FAM135B: variants seen among roughly 807,000 people sequenced by gnomAD.
The protein encoded by FAM135B is protein FAM135B.
A neutral mutation model predicts 127.7 loss-of-function variants in FAM135B; 43 were observed. The ratio of observed to expected loss-of-function variants is 0.34; its 90% CI spans 0.26 to 0.43. FAM135B has a LOEUF of 0.43. FAM135B is among the 20% of genes least tolerant of loss of function. The probability of loss-of-function intolerance (pLI) is 1.00; values close to 1 mark genes in which losing one functional copy is unlikely to be tolerated. For synonymous variants in FAM135B, 670 were observed against 665.1 expected (o/e 1.01, Z -0.11); for missense variants, 1,558 against 1,725.6 (o/e 0.90, Z 1.72).
chr8:138,476,126 T>G (rs918006494), intron 1 of FAM135B, among the ~76,000 whole-genome samples: 1 of 152,166 alleles, frequency 6.6e-6, no homozygotes, highest in Admixed American at 6.6e-5. Flanking sequence ...GGATACATAC[T>G]GTATGATTCT....
At chr8:138,195,535 C>G (rs1055887249) in intron 8 of FAM135B, among the ~76,000 whole-genome samples, 4 of 152,118 alleles carry the variant, frequency 2.6e-5, no homozygotes, top group African/African-American at 9.7e-5. Flanking sequence ...AAGCCAATAT[C>G]ACCTCATGCA....
At position 138,418,001 on chromosome 8, in the gene FAM135B, C is replaced by A. The variant is rs550382549; in HGVS notation, c.-19-49999G>T. Among the ~76,000 whole-genome samples the A allele has an allele frequency of 6.6e-5, 10 of 152,162 alleles. No homozygotes were observed. In the South Asian group the frequency reaches 1.5e-3, roughly 22 times the overall value. On this transcript the variant is annotated intron_variant, in intron 1 of 19. Transcript: ENST00000395297. ...TCAGAATCTGGATGATAATGATTAT[C>A]ATCAAGTTTCAGGAGAAAGTTGAAA...
chr8:138,141,401 C>T lies in FAM135B; in HGVS notation c.3639-52G>A, dbSNP rs79507130. The T allele has an allele frequency of 1.0e-3, 1,630 of 1,587,676 alleles. 10 individuals carry two copies. The African/African-American group carries it at 0.014, about 13-fold the overall frequency. On this transcript the variant is annotated intron_variant, in intron 16 of 19. Transcript: ENST00000395297. This position sits in a 1 kb window ranked among gnomAD's most constrained non-coding sequence, Gnocchi z 4.7. ...TGAGTGTGACGGTGAATGCTGCTGC[C>T]CAAGAGTGCAGTGCTGGAAGCATCA... is the stretch of plus-strand genomic sequence containing the variant.
At chr8:138,403,747 C>T (rs545801058) in intron 1 of FAM135B, among the ~76,000 whole-genome samples, 2 of 151,342 alleles carry the variant, frequency 1.3e-5, no homozygotes, top group Admixed American at 1.3e-4. Context: ...CCATTCCCCT[C>T]CCCCAAAGAC....
chr8:138,483,357 G>A (rs912889130), intron 1 of FAM135B, among the ~76,000 whole-genome samples: 4 of 152,196 alleles, frequency 2.6e-5, no homozygotes, highest in South Asian at 2.1e-4. Context: ...GGCTTTGAGC[G>A]ACGTGTTACC....
Position 138,243,015 on chromosome 8 carries a change from C to G in FAM135B, c.596G>C (p.Gly199Ala), listed in dbSNP as rs770462398. 1 of 1,613,922 alleles carries G rather than the reference C, an allele frequency of 6.2e-7. No homozygotes were observed. Among genetic ancestry groups the G allele is most frequent in the Non-Finnish European group, 8.5e-7 (1 of 1,179,928 alleles). Residue 199 changes from glycine to alanine, a missense_variant, in exon 7 of 20, where the codon GGA becomes GCA. This residue lies in a region of FAM135B where 127 missense variants were observed against 109.7 expected (regional missense o/e 1.16). Coordinates refer to ENST00000395297, the MANE Select transcript of FAM135B (RefSeq NM_015912.4). This position sits in a 1 kb window ranked among gnomAD's most constrained non-coding sequence, Gnocchi z 7.5. ...SWLGKGGPDT[G>A]QEQSIISLEN... ...CAGAGAAATGATAGACTGTTCTTGT[C>G]CGGTGTCTGGGCCACCTTTACCAAG... is the stretch of plus-strand genomic sequence containing the variant.
At chr8:138,486,254 T>C (rs1200468502) in intron 1 of FAM135B, among the ~76,000 whole-genome samples, 1 of 152,014 alleles carries the variant, frequency 6.6e-6, no homozygotes, top group Admixed American at 6.6e-5. Flanking sequence ...GGAGACATTT[T>C]TGCAGTATTT....
In FAM135B at chr8:138,182,296, C is replaced by A. The variant is rs566904205; in HGVS notation, c.874-3606G>T. ...CTTTTCTACTCCACAGATGCCCGAG[C>A]CTGTGCAATCACAGATGGCGAGCTT... is the stretch of plus-strand genomic sequence containing the variant. On this transcript the variant is annotated intron_variant, in intron 9 of 19. Transcript: ENST00000395297. Among the ~76,000 whole-genome samples, 7 of 152,370 alleles carry A rather than the reference C, an allele frequency of 4.6e-5. No individual in the cohort carries two copies. The East Asian group carries it at 1.2e-3, about 25-fold the overall frequency.
intron 1 of FAM135B, among the ~76,000 whole-genome samples, chr8:138,434,643 G>A (rs928732911): frequency 6.6e-6 from 1 of 152,212 alleles, no homozygotes; most frequent in Non-Finnish European, 1.5e-5. Context: ...TCTCTTTGGA[G>A]ATGACATTCA....
At chr8:138,286,704 C>T (rs1481473152) in intron 3 of FAM135B, among the ~76,000 whole-genome samples, 1 of 152,160 alleles carries the variant, frequency 6.6e-6, no homozygotes, top group African/African-American at 2.4e-5. Flanking sequence ...CATTTTAAGG[C>T]CCAAGACTCC....
chr8:138,177,711 C>T (rs1349424078), intron 10 of FAM135B, among the ~76,000 whole-genome samples: 4 of 152,086 alleles, frequency 2.6e-5, no homozygotes, highest in African/African-American at 9.7e-5. Flanking sequence ...ATTTATTCTA[C>T]TAGAATATAA....
intron 2 of FAM135B, among the ~76,000 whole-genome samples, chr8:138,337,878 C>A (rs1340477457): frequency 6.6e-6 from 1 of 152,130 alleles, no homozygotes; most frequent in African/African-American, 2.4e-5. Context: ...GCTACAGTAA[C>A]CAAAACAGCA....
At chr8:138,269,787 G>C (rs575815953) in intron 3 of FAM135B, among the ~76,000 whole-genome samples, 1 of 152,286 alleles carries the variant, frequency 6.6e-6, no homozygotes, top group African/African-American at 2.4e-5. Context: ...GTGAGGCTTA[G>C]GCAAAATGGT....
At chr8:138,194,354 G>T (rs1419822558) in intron 9 of FAM135B, among the ~76,000 whole-genome samples, 2 of 152,292 alleles carry the variant, frequency 1.3e-5, no homozygotes, top group African/African-American at 4.8e-5. Flanking sequence ...CATTCACTGT[G>T]AGACTGGATT....
chr8:138,173,558 C>T (rs976713611), intron 11 of FAM135B, among the ~76,000 whole-genome samples: 1 of 152,138 alleles, frequency 6.6e-6, no homozygotes, highest in African/African-American at 2.4e-5. Context: ...TTCATGTGAA[C>T]ATTAAACGAG....
At chr8:138,295,575 G>A (rs1825424828) in intron 3 of FAM135B, among the ~76,000 whole-genome samples, 1 of 152,112 alleles carries the variant, frequency 6.6e-6, no homozygotes, top group Non-Finnish European at 1.5e-5. Context: ...CCAGGACGAG[G>A]GGCACTTCCT....
chr8:138,288,312 G>A (rs532542510), intron 3 of FAM135B, among the ~76,000 whole-genome samples: 4 of 152,242 alleles, frequency 2.6e-5, no homozygotes, highest in South Asian at 2.1e-4. Context: ...ACATTAAGGA[G>A]TCATTTCTAT....
At chr8:138,451,092 C>T (rs1407891547) in intron 1 of FAM135B, among the ~76,000 whole-genome samples, 2 of 152,104 alleles carry the variant, frequency 1.3e-5, no homozygotes, top group East Asian at 1.9e-4. Context: ...AAAAAGTGGC[C>T]GCAGACTAGC....
intron 3 of FAM135B, among the ~76,000 whole-genome samples, chr8:138,266,921 A>T (rs1822986113): frequency 6.6e-6 from 1 of 152,150 alleles, no homozygotes; most frequent in African/African-American, 2.4e-5. Context: ...ACTATATGGC[A>T]TTTTACAAGT....
Sources: allele counts gnomAD v4.1 joint callset (sites outside exome capture counted in the v4.1 genomes callset), GRCh38; gene constraint gnomAD v4.1.1; regional missense constraint gnomAD v4.1.1; non-coding constraint Gnocchi (gnomAD v3.1); transcripts MANE v1.5; gene names NCBI Gene and HGNC (gene_info 2026-07-23, HGNC 2026-07-21).